C3orf20: variants seen among roughly 807,000 people sequenced by gnomAD.
C3orf20 encodes family with sequence similarity 149 member C.
C3orf20 carries 76 observed loss-of-function variants against 88.3 expected under a neutral mutation model. The ratio of observed to expected loss-of-function variants is 0.86; its 90% CI spans 0.72 to 1.04. The LOEUF (loss-of-function observed/expected upper bound fraction) is 1.04. C3orf20 is among the 50% of genes least tolerant of loss of function. The pLI, the probability that C3orf20 is intolerant of heterozygous loss-of-function variation, is 0.00. For missense variants in C3orf20, 1,056 were observed against 1,123.3 expected, an observed-to-expected ratio of 0.94 and a Z score of 0.86; for synonymous variants, 436 against 437.4, an observed-to-expected ratio of 1.00 and a Z score of 0.04.
chr3:14,772,021 G>A lies in C3orf20; in HGVS notation c.2496-46G>A. On this transcript the variant is annotated intron_variant, in intron 15 of 16. Transcript: ENST00000253697. The surrounding 1 kb of genome is among the most constrained non-coding windows in gnomAD (Gnocchi z 4.2). ...GAACACTGATGGGACAGCGTGCAGT[G>A]CACCCTGGGCCCTGAGCACTGCCCC... is the stretch of plus-strand genomic sequence containing the variant. 1 of 1,611,918 alleles carries A rather than the reference G, an allele frequency of 6.2e-7. No homozygotes were observed. Among genetic ancestry groups the A allele is most frequent in the Non-Finnish European group, 8.5e-7 (1 of 1,178,806 alleles).
At chr3:14,761,751 T>G (rs1182338437) in intron 15 of C3orf20, 136 bp downstream of exon 15, 107 of 608,142 alleles carry the variant, frequency 1.8e-4, no homozygotes, top group Middle Eastern at 5.4e-4. Flanking sequence ...GGGCTGGAGG[T>G]GGGAAGCCTC....
At chr3:14,757,718 G>T (rs1297604644) in intron 13 of C3orf20, 44 bp downstream of exon 13, 3 of 1,563,152 alleles carry the variant, frequency 1.9e-6, no homozygotes, top group African/African-American at 2.7e-5. Context: ...CCAGGGGCAG[G>T]GGTAGTGGGG....
chr3:14,725,364 C>T (rs1327186311), intron 10 of C3orf20, among the ~76,000 whole-genome samples: 1 of 152,144 alleles, frequency 6.6e-6, no homozygotes, highest in Non-Finnish European at 1.5e-5. Context: ...CCCCAGACAC[C>T]CATTGCCCTG....
chr3:14,702,075 T>G (rs1653742202), intron 5 of C3orf20, among the ~76,000 whole-genome samples: 1 of 152,132 alleles, frequency 6.6e-6, no homozygotes, highest in South Asian at 2.1e-4. Context: ...TTCACACTGC[T>G]GATAAAGACA....
intron 12 of C3orf20, among the ~76,000 whole-genome samples, chr3:14,739,873 C>T (rs774917396): frequency 2.1e-4 from 32 of 152,318 alleles, no homozygotes; most frequent in Middle Eastern, 6.8e-3. Context: ...TCCTTTGTGG[C>T]TTCCTCATCT....
intron 7 of C3orf20, among the ~76,000 whole-genome samples, chr3:14,708,793 G>A (rs534928833): frequency 5.3e-5 from 8 of 152,124 alleles, no homozygotes; most frequent in Admixed American, 2.6e-4. Context: ...ACAGGTGTGC[G>A]CCACCATACC....
chr3:14,714,879 T>G (rs1207007159), intron 8 of C3orf20, among the ~76,000 whole-genome samples: 1 of 152,226 alleles, frequency 6.6e-6, no homozygotes, highest in Non-Finnish European at 1.5e-5. Flanking sequence ...AGTGCTGGGA[T>G]TACAGGCATA....
chr3:14,707,445 TTGTGTGTGTGTGTGTGTG>T (rs36047273), intron 7 of C3orf20, among the ~76,000 whole-genome samples: 123 of 136,450 alleles, frequency 9.0e-4, no homozygotes, highest in African/African-American at 2.8e-3. Context: ...GCATCTTTTC[TTGTGTGTGTGTGTGTGTG>T]TGTGTGTGTG....
At position 14,682,731 on chromosome 3, in the gene C3orf20, T is replaced by A. The variant is rs2032160335; in HGVS notation, c.18T>A (p.Ser6Arg). ...TCCCTCTCATGAGTTACATCAAGAGTAACCTAGAATTATATCAGCAATACA... is the reference window on the plus strand; with the variant it reads ...TCCCTCTCATGAGTTACATCAAGAGAAACCTAGAATTATATCAGCAATACA... Reference protein sequence around the residue: MSYIKSNLELYQQYTA... With the variant: MSYIKRNLELYQQYTA... The change falls in exon 3 of 17, where the codon AGT (serine) becomes AGA (arginine). Residue 6 changes from serine (S) to arginine (R), a missense_variant. Transcript: ENST00000253697. 1 of 1,610,874 alleles carries A rather than the reference T, an allele frequency of 6.2e-7. No individual in the cohort carries two copies. Among genetic ancestry groups the A allele is most frequent in the African/African-American group, 1.3e-5 (1 of 74,762 alleles).
intron 12 of C3orf20, among the ~76,000 whole-genome samples, chr3:14,746,261 C>T (rs2035054042): frequency 6.6e-6 from 1 of 152,122 alleles, no homozygotes; most frequent in Admixed American, 6.6e-5. Context: ...AAGGAAAGCT[C>T]CTTGGTGCTA....
intron 10 of C3orf20, 57 bp downstream of exon 10, chr3:14,721,841 T>A: frequency 6.2e-7 from 1 of 1,602,502 alleles, no homozygotes; most frequent in Non-Finnish European, 8.5e-7. Context: ...CAACGTGGGT[T>A]GCTGTTTCAT....
chr3:14,711,157 C>T (rs1037057188), intron 7 of C3orf20, among the ~76,000 whole-genome samples: 1 of 152,208 alleles, frequency 6.6e-6, no homozygotes, highest in Non-Finnish European at 1.5e-5. Context: ...CTTGGCCTCC[C>T]AAAGTGCTGG....
chr3:14,680,470 A>G (rs767962170), intron 1 of C3orf20, among the ~76,000 whole-genome samples: 4 of 152,220 alleles, frequency 2.6e-5, no homozygotes, highest in Non-Finnish European at 4.4e-5. Context: ...CCACAGAGAC[A>G]GAAACTAGAC....
At chr3:14,748,268 A>T (rs1328483902) in intron 12 of C3orf20, among the ~76,000 whole-genome samples, 1 of 152,068 alleles carries the variant, frequency 6.6e-6, no homozygotes, top group Non-Finnish European at 1.5e-5. Context: ...AATTGTTCAC[A>T]ATTTTTTCTT....
At chr3:14,703,020 T>C in intron 5 of C3orf20, 110 bp from the exon 6 acceptor site, 1 of 1,324,680 alleles carries the variant, frequency 7.5e-7, no homozygotes, top group Non-Finnish European at 1.1e-6. Flanking sequence ...ATTTTAAAGC[T>C]CCAAAATGAT....
intron 5 of C3orf20, among the ~76,000 whole-genome samples, chr3:14,700,336 C>T (rs1266288660): frequency 6.6e-6 from 1 of 152,192 alleles, no homozygotes; most frequent in East Asian, 1.9e-4. Flanking sequence ...TTTCCCCACT[C>T]CTCCACCTAA....
At chr3:14,742,690 C>A (rs2034940022) in intron 12 of C3orf20, among the ~76,000 whole-genome samples, 2 of 152,060 alleles carry the variant, frequency 1.3e-5, no homozygotes, top group African/African-American at 4.8e-5. Flanking sequence ...AAAGACATAC[C>A]CGAAACTGGG....
chr3:14,770,809 C>T lies in C3orf20; in HGVS notation c.2496-1258C>T, dbSNP rs75691859. Among the ~76,000 whole-genome samples the T allele has an allele frequency of 3.8e-3, 573 of 152,366 alleles. 6 individuals carry two copies. Among genetic ancestry groups the T allele is most frequent in the African/African-American group, 0.013 (555 of 41,586 alleles). On this transcript the variant is annotated intron_variant, in intron 15 of 16. Coordinates refer to ENST00000253697, the MANE Select transcript of C3orf20 (RefSeq NM_032137.5). ...TGCCCGTGAATAAGCCCACTCACCT[C>T]TCTGGACTTCGGGGCCCTTGTCAGG...
At chr3:14,770,745 T>G (rs774468433) in intron 15 of C3orf20, among the ~76,000 whole-genome samples, 2 of 152,170 alleles carry the variant, frequency 1.3e-5, no homozygotes, top group Admixed American at 6.5e-5. Flanking sequence ...AGACAGTGCA[T>G]ACATGGGCCA....
Sources: allele counts gnomAD v4.1 joint callset (sites outside exome capture counted in the v4.1 genomes callset), GRCh38; gene constraint gnomAD v4.1.1; non-coding constraint Gnocchi (gnomAD v3.1); transcripts MANE v1.5; gene names NCBI Gene and HGNC (gene_info 2026-07-23, HGNC 2026-07-21).